SAMMSON: variants seen among roughly 807,000 people sequenced by gnomAD.
SAMMSON encodes the protein long intergenic non-protein coding RNA 1212.
chr3:70,269,530 A>G (rs891418848), intron 6 of SAMMSON, among the ~76,000 whole-genome samples: 1 of 152,112 alleles, frequency 6.6e-6, no homozygotes. Context: ...TTTTCTGTCC[A>G]TAAATATTTT....
At chr3:70,169,645 C>CTTTTTTTTTTTT (rs11384588) in intron 4 of SAMMSON, among the ~76,000 whole-genome samples, 1 of 142,782 alleles carries the variant, frequency 7.0e-6, no homozygotes, top group Non-Finnish European at 1.5e-5. Flanking sequence ...TTTCTTTTTT[C>CTTTTTTTTTTTT]TTTTTTTTTT....
chr3:70,311,655 T>G (rs1702454139), intron 7 of SAMMSON, among the ~76,000 whole-genome samples: 1 of 152,072 alleles, frequency 6.6e-6, no homozygotes, highest in Admixed American at 6.5e-5. Context: ...ACCAACAAAG[T>G]AATCTATGTT....
chr3:70,272,724 G>A (rs962770045), intron 6 of SAMMSON, among the ~76,000 whole-genome samples: 1 of 152,128 alleles, frequency 6.6e-6, no homozygotes, highest in Non-Finnish European at 1.5e-5. Flanking sequence ...TTGCATTGCT[G>A]GAATGTACAA....
intron 3 of SAMMSON, among the ~76,000 whole-genome samples, chr3:70,039,363 C>A (rs146073866): frequency 1.3e-5 from 2 of 151,922 alleles, no homozygotes; most frequent in African/African-American, 4.8e-5. Context: ...TTTAAGTAAG[C>A]GAACTGCCCT....
intron 4 of SAMMSON, among the ~76,000 whole-genome samples, chr3:70,225,813 C>T (rs997451179): frequency 6.6e-6 from 1 of 152,108 alleles, no homozygotes; most frequent in African/African-American, 2.4e-5. Flanking sequence ...ATGGTGGTGC[C>T]ATTGTTGAAA....
At chr3:70,216,210 T>G (rs1398067668) in intron 4 of SAMMSON, among the ~76,000 whole-genome samples, 1 of 150,634 alleles carries the variant, frequency 6.6e-6, no homozygotes, top group Non-Finnish European at 1.5e-5. Context: ...CTAATTCTAC[T>G]TTATATATAA....
chr3:70,394,453 C>T (rs1483585768), downstream of SAMMSON, among the ~76,000 whole-genome samples: 1 of 152,012 alleles, frequency 6.6e-6, no homozygotes, highest in East Asian at 1.9e-4. Flanking sequence ...CAGTTTGGGC[C>T]AAGCGGACAA....
intron 1 of SAMMSON, among the ~76,000 whole-genome samples, chr3:70,011,713 A>T (rs2066956713): frequency 1.3e-5 from 2 of 151,866 alleles, no homozygotes; most frequent in African/African-American, 4.8e-5. Context: ...GAAAACAAAG[A>T]TTGGCAAAAT....
chr3:70,273,519 A>G (rs905385005), intron 6 of SAMMSON, among the ~76,000 whole-genome samples: 1 of 152,204 alleles, frequency 6.6e-6, no homozygotes. Flanking sequence ...TAATACAGTT[A>G]TATCACCTAA....
chr3:70,126,058 A>G, intron 4 of SAMMSON: 1 of 1,055,080 alleles, frequency 9.5e-7, no homozygotes, highest in Non-Finnish European at 1.4e-6. Context: ...CATAAGATGA[A>G]GGACCTGTAC....
At chr3:70,281,079 T>A (rs2106681710) in intron 6 of SAMMSON, among the ~76,000 whole-genome samples, 1 of 152,346 alleles carries the variant, frequency 6.6e-6, no homozygotes, top group Non-Finnish European at 1.5e-5. Flanking sequence ...ATAAATTTTG[T>A]ATGCCTTTTC....
intron 4 of SAMMSON, among the ~76,000 whole-genome samples, chr3:70,084,572 C>T (rs1262062089): frequency 1.3e-5 from 2 of 152,120 alleles, no homozygotes; most frequent in African/African-American, 4.8e-5. Context: ...TGCCTTCGTG[C>T]CTGTCCACAC....
At chr3:70,414,024 G>T (rs1315498289) in intron 2 of SAMMSON, among the ~76,000 whole-genome samples, 3 of 152,212 alleles carry the variant, frequency 2.0e-5, no homozygotes, top group Admixed American at 2.0e-4. Flanking sequence ...GTCTTTTGTA[G>T]AAAAGAGCTT....
intron 3 of SAMMSON, among the ~76,000 whole-genome samples, chr3:70,054,742 C>A (rs2067160954): frequency 6.6e-6 from 1 of 152,014 alleles, no homozygotes; most frequent in African/African-American, 2.4e-5. Flanking sequence ...GTGGGCAGGA[C>A]AACATGGAGT....
At chr3:70,306,108 T>C (rs905645353) in intron 7 of SAMMSON, among the ~76,000 whole-genome samples, 2 of 152,154 alleles carry the variant, frequency 1.3e-5, no homozygotes, top group Non-Finnish European at 1.5e-5. Flanking sequence ...AGTTTATTTA[T>C]TTATTTATTT....
intron 7 of SAMMSON, among the ~76,000 whole-genome samples, chr3:70,333,164 C>T (rs1259303699): frequency 6.6e-6 from 1 of 151,970 alleles, no homozygotes; most frequent in Non-Finnish European, 1.5e-5. Flanking sequence ...GGACTACTAG[C>T]CATTCCCCAC....
At chr3:70,237,454 G>C (rs144986795) in intron 4 of SAMMSON, among the ~76,000 whole-genome samples, 157 of 152,190 alleles carry the variant, frequency 1.0e-3, no homozygotes, top group African/African-American at 3.6e-3. Flanking sequence ...ATTCCTTTCA[G>C]TGAAACGTCT....
At chr3:70,053,688 G>T (rs898350003) in intron 3 of SAMMSON, among the ~76,000 whole-genome samples, 47 of 152,098 alleles carry the variant, frequency 3.1e-4, no homozygotes, top group African/African-American at 1.1e-3. Flanking sequence ...TAATTCCCAG[G>T]GAAACAGACC....
chr3:70,335,224 T>C (rs1702652183), intron 7 of SAMMSON, among the ~76,000 whole-genome samples: 1 of 152,088 alleles, frequency 6.6e-6, no homozygotes, highest in Non-Finnish European at 1.5e-5. Flanking sequence ...GCATTGCAAA[T>C]TCCTTGAGAG....
Sources: gnomAD v4.1 joint callset for allele counts (sites outside exome capture counted in the v4.1 genomes callset) on GRCh38, gnomAD v4.1.1 for gene constraint, MANE v1.5 for transcripts, NCBI Gene and HGNC (gene_info 2026-07-23, HGNC 2026-07-21) for gene names.